NPIPB11: variants seen among roughly 807,000 people sequenced by gnomAD.
NPIPB11 encodes nuclear pore complex interacting protein family member B11.
Under a neutral mutation model 32.8 loss-of-function variants are expected in NPIPB11, and 17 were observed. The observed-to-expected ratio is 0.52, with a 90% CI of 0.35 to 0.78. NPIPB11 has a LOEUF of 0.78. Ranked by LOEUF, NPIPB11 falls within the 30% of genes least tolerant of loss-of-function variation. NPIPB11 has a pLI of 0.01. For missense variants in NPIPB11, 537 were observed against 1,000.4 expected (o/e 0.54, Z 6.25); for synonymous variants, 209 against 398.4 (o/e 0.52, Z 5.66).
At chr16:29,382,999 G>C (rs756879841) in exon 8 of NPIPB11, 18 of 1,604,570 alleles carry the variant, frequency 1.1e-5, no homozygotes, top group Non-Finnish European at 1.4e-5. Flanking sequence ...CTGACGCTCG[G>C]AAGGTGTCTT....
chr16:29,394,372 G>C (rs1280537662), intron 2 of NPIPB11, among the ~76,000 whole-genome samples: 1 of 150,264 alleles, frequency 6.7e-6, no homozygotes, highest in Admixed American at 6.6e-5. Context: ...AAGTTGTCTT[G>C]AGCCACACAT....
At chr16:29,397,725 G>A (rs1231008705) in intron 2 of NPIPB11, 7 of 380,974 alleles carry the variant, frequency 1.8e-5, no homozygotes, top group Admixed American at 4.4e-5. Flanking sequence ...AGGGGACGGG[G>A]ACCGGGCCCG....
At chr16:29,383,374 CAGAAGGTGT>C in exon 8 of NPIPB11, 335 of 434,086 alleles carry the variant, frequency 7.7e-4, no homozygotes, top group Middle Eastern at 2.1e-3. Flanking sequence ...AGCTGACGCT[CAGAAGGTGT>C]CTTGAGATTA....
intron 2 of NPIPB11, among the ~76,000 whole-genome samples, chr16:29,402,698 G>GTCTCTCTC (rs762980727): frequency 3.0e-3 from 353 of 118,740 alleles, no homozygotes; most frequent in East Asian, 4.5e-3. Flanking sequence ...GTGAAACTCT[G>GTCTCTCTC]TCTCTCTCTC....
intron 3 of NPIPB11, among the ~76,000 whole-genome samples, chr16:29,390,766 C>T (rs1203008330): frequency 6.6e-6 from 1 of 151,490 alleles, no homozygotes; most frequent in East Asian, 1.9e-4. Flanking sequence ...GAGTTTGAGA[C>T]CAGCCTCACC....
At chr16:29,401,793 G>C (rs973009769) in intron 2 of NPIPB11, among the ~76,000 whole-genome samples, 2 of 152,188 alleles carry the variant, frequency 1.3e-5, no homozygotes, top group Admixed American at 6.5e-5. Flanking sequence ...GCTCCCATAT[G>C]GAGGCTGCTC....
chr16:29,397,031 A>T (rs1352924106), intron 2 of NPIPB11, among the ~76,000 whole-genome samples: 1 of 151,544 alleles, frequency 6.6e-6, no homozygotes, highest in Non-Finnish European at 1.5e-5. Flanking sequence ...TAAAAATACA[A>T]AAATTAGCCA....
chr16:29,405,244 A>AG (rs1411037005), upstream of NPIPB11, among the ~76,000 whole-genome samples: 1 of 151,950 alleles, frequency 6.6e-6, no homozygotes, highest in East Asian at 1.9e-4. Context: ...TCGATATTGT[A>AG]GGACAATGTG....
intron 3 of NPIPB11, 135 bp from the exon 4 acceptor site, chr16:29,390,483 T>G: frequency 1.4e-6 from 2 of 1,395,948 alleles, no homozygotes; most frequent in Non-Finnish European, 2.0e-6. Flanking sequence ...TGAAACCCCA[T>G]CTCTACTAAA....
intron 2 of NPIPB11, among the ~76,000 whole-genome samples, chr16:29,399,555 C>A (rs1028608860): frequency 6.7e-6 from 1 of 149,370 alleles, no homozygotes; most frequent in African/African-American, 2.5e-5. Flanking sequence ...AAAAATTAGC[C>A]GGGTGTGGTG....
chr16:29,402,489 G>T (rs1265195597), intron 2 of NPIPB11, among the ~76,000 whole-genome samples: 1 of 96,336 alleles, frequency 1.0e-5, no homozygotes, highest in African/African-American at 5.7e-5. Context: ...CAGATTACGA[G>T]GTCAGGAGTT....
chr16:29,405,612 GC>G (rs1260769257), upstream of NPIPB11, among the ~76,000 whole-genome samples: 3 of 152,088 alleles, frequency 2.0e-5, no homozygotes, highest in Non-Finnish European at 4.4e-5. Flanking sequence ...ATGTCACACG[GC>G]TAGTAAGTGT....
Position 29,399,498 on chromosome 16 carries a change from C to A in NPIPB11, c.120+4185G>T, listed in dbSNP as rs1596682741. On this transcript the variant is annotated intron_variant, in intron 2 of 7. Coordinates refer to ENST00000524087, the Ensembl canonical transcript of NPIPB11. ...GGGTGGATCACAAGGTCAGGAGTTC[C>A]AGACCAGCCTGGCCAATATGGTGAA... is the stretch of plus-strand genomic sequence containing the variant. Among the ~76,000 whole-genome samples, 4 of 146,316 alleles carry A rather than the reference C, an allele frequency of 2.7e-5. No homozygotes were observed. In the South Asian group the frequency reaches 9.0e-4, roughly 33 times the overall value.
At chr16:29,397,192 A>T (rs1326207165) in intron 2 of NPIPB11, among the ~76,000 whole-genome samples, 1 of 151,188 alleles carries the variant, frequency 6.6e-6, no homozygotes, top group Non-Finnish European at 1.5e-5. Context: ...AAGTCATCAA[A>T]CCAGATGACA....
intron 2 of NPIPB11, chr16:29,398,421 ACAT>A (rs1191494550): frequency 8.2e-5 from 55 of 670,168 alleles, no homozygotes; most frequent in Non-Finnish European, 1.4e-4. Flanking sequence ...AAGCAACAAA[ACAT>A]CAGCAGGGTG....
chr16:29,400,129 G>C (rs1202095284), intron 2 of NPIPB11, among the ~76,000 whole-genome samples: 1 of 151,458 alleles, frequency 6.6e-6, no homozygotes, highest in African/African-American at 2.4e-5. Context: ...TGTAAAAGGA[G>C]AGACCAAGTA....
At chr16:29,389,444 C>T (rs1419349030) in intron 5 of NPIPB11, among the ~76,000 whole-genome samples, 1 of 141,990 alleles carries the variant, frequency 7.0e-6, no homozygotes, top group Non-Finnish European at 1.5e-5. Context: ...GAGGCTGAGG[C>T]AGGTGGATTA....
intron 2 of NPIPB11, among the ~76,000 whole-genome samples, chr16:29,403,108 C>T (rs1368042398): frequency 8.5e-5 from 12 of 141,194 alleles, no homozygotes; most frequent in South Asian, 2.3e-4. Context: ...GACAGAGTCT[C>T]GCTCTGTCGC....
chr16:29,405,640 A>G (rs570307201), upstream of NPIPB11, among the ~76,000 whole-genome samples: 6,886 of 152,146 alleles, frequency 0.045, 564 homozygotes, highest in African/African-American at 0.16. Flanking sequence ...CTTGCATCCA[A>G]TCAATGCCCG....
Sources: allele counts gnomAD v4.1 joint callset (sites outside exome capture counted in the v4.1 genomes callset), GRCh38; gene constraint gnomAD v4.1.1; transcripts MANE v1.5; gene names NCBI Gene and HGNC (gene_info 2026-07-23, HGNC 2026-07-21).